Variants in CIT observed in about 807,000 individuals in gnomAD.
CIT encodes citron rho-interacting serine/threonine kinase.
A neutral mutation model predicts 272.7 loss-of-function variants in CIT; 79 were observed. That is an observed-to-expected ratio of 0.29 (90% CI 0.24 to 0.35). The LOEUF is 0.35. CIT is among the 10% of genes least tolerant of loss of function. The pLI is 1.00. For missense variants in CIT, 1,909 were observed against 2,618.3 expected, an observed-to-expected ratio of 0.73 and a Z score of 5.91; for synonymous variants, 948 against 995.6, an observed-to-expected ratio of 0.95 and a Z score of 0.90.
chr12:119,744,842 T>C (rs778891415), intron 23 of CIT, among the ~76,000 whole-genome samples: 1 of 151,994 alleles, frequency 6.6e-6, no homozygotes, highest in Non-Finnish European at 1.5e-5. Flanking sequence ...TTAGATACTT[T>C]AGAAGAAAAG....
At chr12:119,757,201 T>C (rs1220132054) in intron 22 of CIT, among the ~76,000 whole-genome samples, 170 bp downstream of exon 22, 1 of 152,012 alleles carries the variant, frequency 6.6e-6, no homozygotes, top group Non-Finnish European at 1.5e-5. Context: ...TCAGCATGAA[T>C]TGGCCTTAGG....
chr12:119,697,823 C>A lies in CIT; in HGVS notation c.5718G>T (p.Ala1906=). The change falls in exon 46 of 48, where the codon GCG becomes GCT. Residue 1906 remains alanine, a synonymous_variant. Transcript: ENST00000392521. The surrounding 1 kb of genome is among the most constrained non-coding windows in gnomAD (Gnocchi z 4.9). ...ARSSAGTPAR[A]YLDIPNPRYL... ...AGCGCGGGTTCGGGATGTCCAGGTACGCTCGGGCAGGGGTCCTGCAGAGTC... is the reference window on the plus strand; with the variant it reads ...AGCGCGGGTTCGGGATGTCCAGGTAAGCTCGGGCAGGGGTCCTGCAGAGTC... 6.2e-7 allele frequency: 1 copy of A among 1,614,072 alleles called. No homozygotes were observed. The highest frequency in any genetic ancestry group is 2.2e-5 in the East Asian group (1 of 44,876).
chr12:119,690,732 C>G lies in CIT; in HGVS notation c.5883-278G>C, dbSNP rs888112390. Reference sequence around the variant, plus strand: ...GGCCTGTGCTAAGTTCTTCATCTGCCATCTCTCATTATCTCATTAAATCAT... The same window carrying G: ...GGCCTGTGCTAAGTTCTTCATCTGCGATCTCTCATTATCTCATTAAATCAT... On this transcript the variant is annotated intron_variant, in intron 46 of 47. Coordinates refer to ENST00000392521, the MANE Select transcript of CIT (RefSeq NM_001206999.2). The surrounding 1 kb of genome is among the most constrained non-coding windows in gnomAD (Gnocchi z 6.0). Among the ~76,000 whole-genome samples, 14 of 152,222 alleles carry G rather than the reference C, an allele frequency of 9.2e-5. No homozygotes were observed. Among genetic ancestry groups the G allele is most frequent in the African/African-American group, 3.1e-4 (13 of 41,458 alleles).
chr12:119,773,033 A>G (rs1258500575), intron 16 of CIT, 123 bp from the exon 17 acceptor site: 1 of 837,598 alleles, frequency 1.2e-6, no homozygotes, highest in Non-Finnish European at 1.7e-6. Context: ...AAAAAAAAAG[A>G]TAGTGACAGT....
chr12:119,843,705 G>T (rs1418223545), intron 5 of CIT, among the ~76,000 whole-genome samples: 1 of 152,008 alleles, frequency 6.6e-6, no homozygotes, highest in Admixed American at 6.5e-5. Context: ...AGCTACTCAG[G>T]AGGCTGAGGC....
At chr12:119,698,181 T>C in intron 44 of CIT, 127 bp from the exon 45 acceptor site, 1 of 785,526 alleles carries the variant, frequency 1.3e-6, no homozygotes, top group Non-Finnish European at 2.2e-6. Flanking sequence ...AACAAATACA[T>C]ATCTATGCGC....
At chr12:119,792,198 T>C (rs1965366756) in intron 10 of CIT, among the ~76,000 whole-genome samples, 1 of 152,164 alleles carries the variant, frequency 6.6e-6, no homozygotes, top group South Asian at 2.1e-4. Flanking sequence ...AATAGGACCC[T>C]ATGCCTGCAA....
chr12:119,865,218 A>G (rs1049451957), intron 3 of CIT, among the ~76,000 whole-genome samples: 1 of 152,208 alleles, frequency 6.6e-6, no homozygotes, highest in Non-Finnish European at 1.5e-5. Flanking sequence ...AAGTCTTCTG[A>G]TCACTAAATG....
At chr12:119,798,222 TCAG>T (rs1179969762) in intron 10 of CIT, among the ~76,000 whole-genome samples, 1 of 152,174 alleles carries the variant, frequency 6.6e-6, no homozygotes, top group Non-Finnish European at 1.5e-5. Context: ...GACCTGCCTG[TCAG>T]CTCCCATCAC....
In CIT at chr12:119,690,083, G is replaced by A. The variant is rs1955847522; in HGVS notation, c.6186+68C>T. On this transcript the variant is annotated intron_variant, in intron 47 of 47. Coordinates refer to ENST00000392521, the MANE Select transcript of CIT (RefSeq NM_001206999.2). This position sits in a 1 kb window ranked among gnomAD's most constrained non-coding sequence, Gnocchi z 6.0. Reference sequence around the variant, plus strand: ...TTTTTAAACAACAGTGGCCCCGTGGGGGCCTCAGTTCCCCAAGTCACTCCT... The same window carrying A: ...TTTTTAAACAACAGTGGCCCCGTGGAGGCCTCAGTTCCCCAAGTCACTCCT... The A allele has an allele frequency of 1.5e-6, 2 of 1,374,850 alleles. No individual in the cohort carries two copies. Among genetic ancestry groups the A allele is most frequent in the Admixed American group, 3.1e-5 (1 of 31,932 alleles). The allele number at this position is 1,374,850 out of a possible 1,614,324, so 85.2% of individuals were successfully genotyped here. A position where few individuals can be genotyped will look rare whatever the true frequency, so the allele number is the denominator to read the frequency against.
chr12:119,696,910 G>C (rs537594118), intron 46 of CIT, among the ~76,000 whole-genome samples: 7 of 152,298 alleles, frequency 4.6e-5, no homozygotes, highest in Non-Finnish European at 4.4e-5. Context: ...ATGTCAGTGT[G>C]AGTTCTTCAT....
At chr12:119,762,960 T>C (rs439734) in intron 19 of CIT, among the ~76,000 whole-genome samples, 105 of 152,296 alleles carry the variant, frequency 6.9e-4, no homozygotes, top group African/African-American at 2.4e-3. Context: ...ATGGGAGGAT[T>C]GCTTGAGCCC....
intron 18 of CIT, among the ~76,000 whole-genome samples, chr12:119,769,710 G>A (rs1488392834): frequency 1.3e-5 from 2 of 152,176 alleles, no homozygotes; most frequent in Non-Finnish European, 2.9e-5. Context: ...TTTGTGTGCA[G>A]ACATATATAC....
chr12:119,736,692 C>G (rs1173772171), intron 24 of CIT, among the ~76,000 whole-genome samples: 3 of 152,200 alleles, frequency 2.0e-5, no homozygotes, highest in Non-Finnish European at 4.4e-5. Flanking sequence ...TTTGCCATTC[C>G]TAACAGACAC....
Position 119,825,289 on chromosome 12 carries a change from C to G in CIT, c.833G>C (p.Gly278Ala), listed in dbSNP as rs1161872824. Reference protein sequence around the residue: ...VLTVMNGDGKGTYGLDCDWWS... With the variant: ...VLTVMNGDGKATYGLDCDWWS... ...CCAGTCACAGTCCAGGCCGTAGGTG[C>G]CTTTTCCATCCCCGTTCATCACAGT... Residue 278 changes from glycine to alanine, a missense_variant, in exon 8 of 48, where the codon GGC (glycine) becomes GCC (alanine). By Grantham distance (60) the Gly-to-Ala change is moderately conservative. Transcript: ENST00000392521. The G allele has an allele frequency of 6.2e-7, 1 of 1,614,140 alleles. No individual in the cohort carries two copies. Among genetic ancestry groups the G allele is most frequent in the East Asian group, 2.2e-5 (1 of 44,884 alleles).
rs114037935 is a variant in CIT at position 119,692,107 on chromosome 12, T to C, written c.5883-1653A>G. 2.1e-3 allele frequency among the ~76,000 whole-genome samples: 323 copies of C among 152,298 alleles called. 1 individual carries two copies. Among genetic ancestry groups the C allele is most frequent in the African/African-American group, 5.0e-3 (207 of 41,552 alleles). ...CTGCTAACATGCTCTGACACCAACG[T>C]TGGACACATTGGACTTTTGCAGTGG... On this transcript the variant is annotated intron_variant, in intron 46 of 47. Coordinates refer to ENST00000392521, the MANE Select transcript of CIT (RefSeq NM_001206999.2).
At chr12:119,700,868 G>T in intron 43 of CIT, 43 bp from the exon 44 acceptor site, 2 of 1,505,186 alleles carry the variant, frequency 1.3e-6, no homozygotes, top group Non-Finnish European at 1.9e-6. Context: ...ACAGCCAAGA[G>T]CAGGGGCATC....
At chr12:119,783,887 G>C in intron 12 of CIT, 21 bp downstream of exon 12, 2 of 1,549,526 alleles carry the variant, frequency 1.3e-6, no homozygotes, top group East Asian at 4.5e-5. Context: ...CCAAGGGAAG[G>C]GGGCTTCAGG....
At chr12:119,847,038 G>A (rs894229859) in intron 5 of CIT, among the ~76,000 whole-genome samples, 6 of 151,516 alleles carry the variant, frequency 4.0e-5, no homozygotes, top group African/African-American at 1.5e-4. Flanking sequence ...AGGCTGGAGT[G>A]CACTGGCACA....
Sources: gnomAD v4.1 joint callset for allele counts (sites outside exome capture counted in the v4.1 genomes callset) on GRCh38, gnomAD v4.1.1 for gene constraint, Gnocchi (gnomAD v3.1) non-coding constraint, MANE v1.5 for transcripts, NCBI Gene and HGNC (gene_info 2026-07-23, HGNC 2026-07-21) for gene names.